Variants in BPHL observed in about 807,000 individuals in gnomAD.
BPHL encodes the protein serine hydrolase BPHL.
A neutral mutation model predicts 31.2 loss-of-function variants in BPHL; 27 were observed. The ratio of observed to expected loss-of-function variants is 0.87; its 90% CI spans 0.64 to 1.19. The LOEUF is 1.19. BPHL is among the 50% of genes most tolerant of loss of function. The pLI, the probability that BPHL is intolerant of heterozygous loss-of-function variation, is 0.00. For missense variants in BPHL, 356 were observed against 375.7 expected (o/e 0.95, Z 0.43); for synonymous variants, 150 against 146.8 (o/e 1.02, Z -0.16).
chr6:3,136,688 A>G (rs961683638), intron 4 of BPHL, among the ~76,000 whole-genome samples: 3 of 152,220 alleles, frequency 2.0e-5, no homozygotes, highest in Non-Finnish European at 4.4e-5. Context: ...TAATATGCTC[A>G]AGAGCATTAG....
At chr6:3,126,541 G>C (rs563552499) in intron 2 of BPHL, among the ~76,000 whole-genome samples, 44 of 151,334 alleles carry the variant, frequency 2.9e-4, no homozygotes, top group Non-Finnish European at 4.3e-4. Context: ...ACCAGGGGGA[G>C]GTCGGAGGCA....
chr6:3,137,331 AC>A, intron 4 of BPHL, 30 bp from the exon 5 acceptor site: 1 of 1,609,556 alleles, frequency 6.2e-7, no homozygotes. Flanking sequence ...ATGAAATTAA[AC>A]CTTTCTTCGC....
chr6:3,118,677 T>C (rs1761457579), upstream of BPHL: 3 of 1,158,590 alleles, frequency 2.6e-6, no homozygotes, highest in Non-Finnish European at 1.1e-6. Flanking sequence ...CGGGGCAGAG[T>C]GGGCCGGGTA....
intron 6 of BPHL, among the ~76,000 whole-genome samples, chr6:3,145,026 G>A (rs906214713): frequency 6.6e-6 from 1 of 152,226 alleles, no homozygotes; most frequent in Non-Finnish European, 1.5e-5. Context: ...GACCTCGGTT[G>A]GAGTGCTGGT....
Position 3,118,794 on chromosome 6 carries a change from A to T in BPHL, c.54A>T (p.Ser18=). The T allele has an allele frequency of 8.0e-7, 1 of 1,247,132 alleles. No homozygotes were observed. The highest frequency in any genetic ancestry group is 1.0e-6 in the Non-Finnish European group (1 of 992,100). 77.3% of individuals were successfully genotyped at this position (1,247,132 alleles called of 1,614,324 possible). ...RGVLRLRLLL[S]ALKPGIHVPR... ...TGTTGCGCCTGCGGCTGCTTCTCTCAGCGCTGAAGCCCGGGATCCACGTCC... is the reference window on the plus strand; with the variant it reads ...TGTTGCGCCTGCGGCTGCTTCTCTCTGCGCTGAAGCCCGGGATCCACGTCC... Residue 18 remains serine, a synonymous_variant, in exon 1 of 7, where the codon TCA becomes TCT. Coordinates refer to ENST00000380379, the MANE Select transcript of BPHL (RefSeq NM_004332.4).
intron 4 of BPHL, among the ~76,000 whole-genome samples, chr6:3,129,811 T>TG: frequency 6.6e-6 from 1 of 151,908 alleles, no homozygotes; most frequent in African/African-American, 2.4e-5. Flanking sequence ...TGAGGTTTTT[T>TG]TTTTTTTTTT....
At chr6:3,130,128 A>G (rs527421942) in intron 4 of BPHL, among the ~76,000 whole-genome samples, 47 of 152,296 alleles carry the variant, frequency 3.1e-4, no homozygotes, top group East Asian at 3.9e-4. Context: ...CAGGCACTGG[A>G]ATAGGGGCCA....
At chr6:3,145,810 C>CG (rs1392964519) in intron 6 of BPHL, among the ~76,000 whole-genome samples, 1 of 35,354 alleles carries the variant, frequency 2.8e-5, no homozygotes, top group Non-Finnish European at 5.8e-5. Flanking sequence ...TGGTTTGGGT[C>CG]GAGTGCTGGT....
chr6:3,148,259 G>A (rs1159952600), intron 6 of BPHL, among the ~76,000 whole-genome samples: 2 of 152,188 alleles, frequency 1.3e-5, no homozygotes, highest in South Asian at 2.1e-4. Flanking sequence ...TGTGCAGTGG[G>A]CTAGTTACTC....
intron 4 of BPHL, among the ~76,000 whole-genome samples, chr6:3,131,023 T>TC (rs1241581315): frequency 6.6e-6 from 1 of 152,070 alleles, no homozygotes; most frequent in East Asian, 1.9e-4. Flanking sequence ...GAGTTCTTCC[T>TC]CCCTCTCCTG....
At chr6:3,121,495 G>A (rs1761574642) in intron 1 of BPHL, among the ~76,000 whole-genome samples, 1 of 151,852 alleles carries the variant, frequency 6.6e-6, no homozygotes, top group African/African-American at 2.4e-5. Flanking sequence ...AGTAGAGATG[G>A]CGTTCCACCA....
At chr6:3,138,147 T>C in intron 5 of BPHL, 2 of 499,066 alleles carry the variant, frequency 4.0e-6, no homozygotes, top group East Asian at 1.5e-4. Context: ...GCCTCCCAAG[T>C]AGCTGGGACC....
At chr6:3,131,642 T>C (rs955778103) in intron 4 of BPHL, among the ~76,000 whole-genome samples, 4 of 152,220 alleles carry the variant, frequency 2.6e-5, no homozygotes, top group Admixed American at 1.3e-4. Context: ...GCAGTTTGGC[T>C]GGCCCCTCCT....
intron 4 of BPHL, among the ~76,000 whole-genome samples, chr6:3,136,810 A>AGTC: frequency 6.6e-6 from 1 of 152,248 alleles, no homozygotes; most frequent in African/African-American, 2.4e-5. Context: ...CCTACTAGTG[A>AGTC]ATCATCTATA....
chr6:3,148,352 G>A (rs1327527572), intron 6 of BPHL, among the ~76,000 whole-genome samples: 19 of 152,248 alleles, frequency 1.2e-4, no homozygotes, highest in Admixed American at 1.2e-3. Flanking sequence ...CCAGTGGTAA[G>A]ATGGCCCTAG....
At chr6:3,141,453 C>T (rs548292346) in intron 6 of BPHL, among the ~76,000 whole-genome samples, 3 of 152,270 alleles carry the variant, frequency 2.0e-5, no homozygotes, top group East Asian at 1.9e-4. Context: ...CTGCAACCTC[C>T]GCCTCCCAGG....
chr6:3,123,463 C>T (rs1186999396), intron 1 of BPHL, among the ~76,000 whole-genome samples, 194 bp from the exon 2 acceptor site: 1 of 152,194 alleles, frequency 6.6e-6, no homozygotes, highest in Non-Finnish European at 1.5e-5. Flanking sequence ...AAACATTTAT[C>T]ATGTCTTTGT....
At chr6:3,144,820 G>C (rs1762281439) in intron 6 of BPHL, among the ~76,000 whole-genome samples, 1 of 152,210 alleles carries the variant, frequency 6.6e-6, no homozygotes, top group African/African-American at 2.4e-5. Context: ...AGAGAGAGAG[G>C]GAGAGCAAGA....
Position 3,149,254 on chromosome 6 carries a change from A to G in BPHL, c.789-3234A>G, listed in dbSNP as rs978716241. On this transcript the variant is annotated intron_variant, in intron 6 of 6. Coordinates refer to ENST00000380379, the MANE Select transcript of BPHL (RefSeq NM_004332.4). The surrounding 1 kb of genome is among the most constrained non-coding windows in gnomAD (Gnocchi z 4.6). ...TCCCACGATGATGCCTCCAGTTTAC[A>G]TCCAAATGTCACAGGAAGAAAGCTT... Among the ~76,000 whole-genome samples, 1 of 152,148 alleles carries G rather than the reference A, an allele frequency of 6.6e-6. No homozygotes were observed. Among genetic ancestry groups the G allele is most frequent in the Non-Finnish European group, 1.5e-5 (1 of 68,036 alleles).
Sources: gnomAD v4.1 joint callset for allele counts (sites outside exome capture counted in the v4.1 genomes callset) on GRCh38, gnomAD v4.1.1 for gene constraint, Gnocchi (gnomAD v3.1) non-coding constraint, MANE v1.5 for transcripts, NCBI Gene and HGNC (gene_info 2026-07-23, HGNC 2026-07-21) for gene names.